CDKN2B: variants seen among roughly 807,000 people sequenced by gnomAD.
CDKN2B encodes the protein cyclin-dependent kinase 4 inhibitor B.
A neutral mutation model predicts 7.7 loss-of-function variants in CDKN2B; 8 were observed. That is an observed-to-expected ratio of 1.04 (90% CI 0.61 to 1.87). The LOEUF (loss-of-function observed/expected upper bound fraction) is 1.87, where lower values mean the gene tolerates loss of function less well. CDKN2B is among the 40% of genes most tolerant of loss of function. The pLI is 0.00. For synonymous variants in CDKN2B, 93 were observed against 95.8 expected (o/e 0.97, Z 0.17); for missense variants, 244 against 213.1 (o/e 1.15, Z -0.90).
At position 22,009,125 on chromosome 9, in the gene CDKN2B, G is replaced by T; in HGVS notation, c.-172C>A. On this transcript the variant is annotated 5_prime_UTR_variant, in exon 1 of 2. The change creates a new upstream start codon in the 5' untranslated region. Transcript: ENST00000276925. ...CTTCTGCGGCTTGGGGCCCCGTGCA[G>T]TGGCCGAGCGGCCGGTCGTTAGCTC... 1 of 900,312 alleles carries T rather than the reference G, an allele frequency of 1.1e-6. No individual in the cohort carries two copies. The highest frequency in any genetic ancestry group is 1.7e-6 in the Non-Finnish European group (1 of 580,982). The allele number at this position is 900,312 out of a possible 1,614,324, so 55.8% of individuals were successfully genotyped here. A position where few individuals can be genotyped will look rare whatever the true frequency, so the allele number is the denominator to read the frequency against.
chr9:22,007,626 T>C (rs573587814), intron 1 of CDKN2B, among the ~76,000 whole-genome samples: 17 of 152,290 alleles, frequency 1.1e-4, no homozygotes, highest in South Asian at 6.2e-4. Context: ...ATACTTCTCA[T>C]GTTTTGTTGG....
Position 22,008,982 on chromosome 9 carries a change from G to A in CDKN2B, c.-29C>T, listed in dbSNP as rs746010479. The A allele has an allele frequency of 6.8e-6, 11 of 1,613,146 alleles. No homozygotes were observed. In the Admixed American group the frequency reaches 1.8e-4, roughly 27 times the overall value. ...GCAGCCCCCAGACGCGCAGCGGCCC[G>A]GATAATCCACCGTTGGCCGTAAACT... On this transcript the variant is annotated 5_prime_UTR_variant, in exon 1 of 2. Transcript: ENST00000276925.
In CDKN2B at chr9:22,005,633, T is replaced by G; in HGVS notation, c.*354A>C. ...ACTCAGCGCTGGAGTGGGAGATTCATCCATCGGAAGATTCGTAGCCACCAG... is the reference window on the plus strand; with the variant it reads ...ACTCAGCGCTGGAGTGGGAGATTCAGCCATCGGAAGATTCGTAGCCACCAG... On this transcript the variant is annotated 3_prime_UTR_variant, in exon 2 of 2. Coordinates refer to ENST00000276925, the MANE Select transcript of CDKN2B (RefSeq NM_004936.4). The surrounding 1 kb of genome is among the most constrained non-coding windows in gnomAD (Gnocchi z 4.9). The G allele has an allele frequency of 2.2e-6, 1 of 457,418 alleles. No individual in the cohort carries two copies. Among genetic ancestry groups the G allele is most frequent in the South Asian group, 2.2e-5 (1 of 45,514 alleles). 28.3% of individuals were successfully genotyped at this position (457,418 alleles called of 1,614,324 possible).
At position 22,004,168 on chromosome 9, in the gene CDKN2B, T is replaced by C. The variant is rs1453105837; in HGVS notation, c.*1819A>G. The C allele has an allele frequency of 3.9e-5, 9 of 232,332 alleles. No homozygotes were observed. The allele number at this position is 232,332 out of a possible 1,614,324, so 14.4% of individuals were successfully genotyped here. A position where few individuals can be genotyped will look rare whatever the true frequency, so the allele number is the denominator to read the frequency against. ...ATTATGTGTCAATAAACATATCCTT[T>C]CCCCAATAACATATGCTCTGATTCT... is the stretch of plus-strand genomic sequence containing the variant. On this transcript the variant is annotated 3_prime_UTR_variant, in exon 2 of 2. Transcript: ENST00000276925.
intron 1 of CDKN2B, among the ~76,000 whole-genome samples, chr9:22,008,207 A>G (rs1195482716): frequency 2.0e-5 from 3 of 152,238 alleles, no homozygotes; most frequent in Non-Finnish European, 4.4e-5. Flanking sequence ...ACTGAGTATG[A>G]TAATTAAAGA....
Position 22,005,392 on chromosome 9 carries a change from G to A in CDKN2B, c.*595C>T, listed in dbSNP as rs1403430222. 1 of 245,160 alleles carries A rather than the reference G, an allele frequency of 4.1e-6. No homozygotes were observed. Among genetic ancestry groups the A allele is most frequent in the East Asian group, 5.8e-5 (1 of 17,146 alleles). 15.2% of individuals were successfully genotyped at this position (245,160 alleles called of 1,614,324 possible). ...CGAGGGTCTCCAGGGCTTCCAGAGA[G>A]TGTCGTTTACGCATGTGACTTGCCA... On this transcript the variant is annotated 3_prime_UTR_variant, in exon 2 of 2. Coordinates refer to ENST00000276925, the MANE Select transcript of CDKN2B (RefSeq NM_004936.4). The surrounding 1 kb of genome is among the most constrained non-coding windows in gnomAD (Gnocchi z 4.9).
chr9:22,003,126 C>T lies in CDKN2B; in HGVS notation c.*2861G>A. On this transcript the variant is annotated 3_prime_UTR_variant, in exon 2 of 2. Coordinates refer to ENST00000276925, the MANE Select transcript of CDKN2B (RefSeq NM_004936.4). ...AAAGTGAAATCCTTAACAAATTTAA[C>T]AGTATATATTAGGCTGCTGATGAAA... The T allele has an allele frequency of 4.6e-6, 1 of 215,452 alleles. No homozygotes were observed. The allele number at this position is 215,452 out of a possible 1,614,324, so 13.3% of individuals were successfully genotyped here.
intron 1 of CDKN2B, among the ~76,000 whole-genome samples, chr9:22,007,543 C>G (rs937629884): frequency 1.3e-5 from 2 of 152,028 alleles, no homozygotes; most frequent in African/African-American, 4.8e-5. Context: ...TTTTTGGTAA[C>G]TAAATGTCTA....
Position 22,006,113 on chromosome 9 carries a change from C to A in CDKN2B, c.291G>T (p.Val97=). The A allele has an allele frequency of 6.2e-7, 1 of 1,610,446 alleles. No homozygotes were observed. Among genetic ancestry groups the A allele is most frequent in the South Asian group, 1.1e-5 (1 of 91,050 alleles). The part of the protein sequence containing the change: ...AAREGFLDTL[V]VLHRAGARLD... ...GCCGCGCCCCGGCCCGGTGCAGCACCACCAGCGTGTCCAGGAAGCCCTCCC... is the reference window on the plus strand; with the variant it reads ...GCCGCGCCCCGGCCCGGTGCAGCACAACCAGCGTGTCCAGGAAGCCCTCCC... The change falls in exon 2 of 2, where the codon GTG becomes GTT. Residue 97 remains valine (V), a synonymous_variant. Coordinates refer to ENST00000276925, the MANE Select transcript of CDKN2B (RefSeq NM_004936.4). This position sits in a 1 kb window ranked among gnomAD's most constrained non-coding sequence, Gnocchi z 6.4.
chr9:22,005,679 T>C lies in CDKN2B; in HGVS notation c.*308A>G, dbSNP rs1821137999. On this transcript the variant is annotated 3_prime_UTR_variant, in exon 2 of 2. Transcript: ENST00000276925. The surrounding 1 kb of genome is among the most constrained non-coding windows in gnomAD (Gnocchi z 4.9). ...ACCAGGTCCAGTCAAGGATTTCATA[T>C]GCACTTTCCCTCAGAAAACCCTGAA... The C allele has an allele frequency of 3.9e-6, 2 of 514,054 alleles. No homozygotes were observed. Among genetic ancestry groups the C allele is most frequent in the Non-Finnish European group, 3.5e-6 (1 of 281,768 alleles). The allele number at this position is 514,054 out of a possible 1,614,324, so 31.8% of individuals were successfully genotyped here.
rs1474833992 is a variant in CDKN2B, at chr9:22,003,113, T to C, written c.*2874A>G. 4.7e-6 allele frequency: 1 copy of C among 214,204 alleles called. No homozygotes were observed. Among genetic ancestry groups the C allele is most frequent in the Non-Finnish European group, 9.4e-6 (1 of 106,292 alleles). The allele number at this position is 214,204 out of a possible 1,614,324, so 13.3% of individuals were successfully genotyped here. On this transcript the variant is annotated 3_prime_UTR_variant, in exon 2 of 2. Transcript: ENST00000276925. ...GCATGTATCCTTCAAAGTGAAATCC[T>C]TAACAAATTTAACAGTATATATTAG...
chr9:22,005,652 C>G lies in CDKN2B; in HGVS notation c.*335G>C, dbSNP rs1821136538. On this transcript the variant is annotated 3_prime_UTR_variant, in exon 2 of 2. Transcript: ENST00000276925. This position sits in a 1 kb window ranked among gnomAD's most constrained non-coding sequence, Gnocchi z 4.9. ...GATTCATCCATCGGAAGATTCGTAG[C>G]CACCAGGTCCAGTCAAGGATTTCAT... The G allele has an allele frequency of 2.1e-6, 1 of 472,916 alleles. No homozygotes were observed. The highest frequency in any genetic ancestry group is 1.9e-5 in the African/African-American group (1 of 51,966). 29.3% of individuals were successfully genotyped at this position (472,916 alleles called of 1,614,324 possible).
chr9:22,009,029 TC>T lies in CDKN2B; in HGVS notation c.-77del. 2 of 1,597,482 alleles carry T rather than the reference TC, an allele frequency of 1.3e-6. No individual in the cohort carries two copies. Among genetic ancestry groups the T allele is most frequent in the Admixed American group, 3.3e-5 (2 of 59,950 alleles). The stretch of plus-strand genomic sequence containing the variant: ...AACTTAACGACACTCTTCCCTTCTT[TC>T]CCACGCTGCTCCGGCGCACTCTCTC... On this transcript the variant is annotated 5_prime_UTR_variant, in exon 1 of 2. The change abolishes the stop of an existing upstream ORF in the 5' untranslated region. Transcript: ENST00000276925.
At position 22,005,802 on chromosome 9, in the gene CDKN2B, A is replaced by G; in HGVS notation, c.*185T>C. Reference sequence around the variant, plus strand: ...TGGTGAGTGTCGAGGGCCAGATAAGACAAAGAAAAAAATGTATGGAAGGTT... The same window carrying G: ...TGGTGAGTGTCGAGGGCCAGATAAGGCAAAGAAAAAAATGTATGGAAGGTT... On this transcript the variant is annotated 3_prime_UTR_variant, in exon 2 of 2. Transcript: ENST00000276925. The surrounding 1 kb of genome is among the most constrained non-coding windows in gnomAD (Gnocchi z 4.9). The G allele has an allele frequency of 1.4e-6, 1 of 737,668 alleles. No homozygotes were observed. The highest frequency in any genetic ancestry group is 2.2e-6 in the Non-Finnish European group (1 of 447,418). 45.7% of individuals were successfully genotyped at this position (737,668 alleles called of 1,614,324 possible).
intron 1 of CDKN2B, 90 bp downstream of exon 1, chr9:22,008,708 A>T (rs1420015980): frequency 1.2e-6 from 2 of 1,611,508 alleles, no homozygotes; most frequent in Non-Finnish European, 1.7e-6. Flanking sequence ...ACAAATCTAC[A>T]TCGGCGATCT....
chr9:22,007,963 G>A (rs1821278732), intron 1 of CDKN2B, among the ~76,000 whole-genome samples: 1 of 152,186 alleles, frequency 6.6e-6, no homozygotes. Context: ...AGTTTTAGAG[G>A]GTGATAGTGA....
chr9:22,008,405 T>A (rs1277812657), intron 1 of CDKN2B, among the ~76,000 whole-genome samples: 7 of 152,230 alleles, frequency 4.6e-5, no homozygotes, highest in Admixed American at 6.5e-5. Flanking sequence ...CCATGTACTA[T>A]GATTTTGTAG....
intron 1 of CDKN2B, chr9:22,008,554 A>G (rs1821307647): frequency 9.8e-7 from 1 of 1,021,156 alleles, no homozygotes; most frequent in Non-Finnish European, 1.4e-6. Flanking sequence ...TATTCCTTGC[A>G]TCTCTGATCA....
chr9:22,008,862 C>A lies in CDKN2B; in HGVS notation c.92G>T (p.Arg31Leu). 1 of 1,611,676 alleles carries A rather than the reference C, an allele frequency of 6.2e-7. No homozygotes were observed. Among genetic ancestry groups the A allele is most frequent in the Non-Finnish European group, 8.5e-7 (1 of 1,179,350 alleles). ...ATCCGCGCCGGCTTCCAGGAGCTGT[C>A]GCACCTTCTCCACTAGTCCCCGCGC... ...AAARGLVEKV[R>L]QLLEAGADPN... Residue 31 changes from arginine (R) to leucine (L), a missense_variant, in exon 1 of 2, where the codon CGA (arginine) becomes CTA (leucine). Transcript: ENST00000276925.
Sources: allele counts gnomAD v4.1 joint callset (sites outside exome capture counted in the v4.1 genomes callset), GRCh38; gene constraint gnomAD v4.1.1; non-coding constraint Gnocchi (gnomAD v3.1); transcripts MANE v1.5; gene names NCBI Gene and HGNC (gene_info 2026-07-23, HGNC 2026-07-21).